Variants in LRIF1 observed in about 807,000 individuals in gnomAD.
The protein encoded by LRIF1 is ligand-dependent nuclear receptor-interacting factor 1.
A neutral mutation model predicts 52.7 loss-of-function variants in LRIF1; 32 were observed. That is an observed-to-expected ratio of 0.61 (90% CI 0.46 to 0.82). The LOEUF (loss-of-function observed/expected upper bound fraction) is 0.82, where lower values mean the gene tolerates loss of function less well. LRIF1 is among the 40% of genes least tolerant of loss of function. The pLI, the probability that LRIF1 is intolerant of heterozygous loss-of-function variation, is 0.00. For synonymous variants in LRIF1, 323 were observed against 317.4 expected, an observed-to-expected ratio of 1.02 and a Z score of -0.19; for missense variants, 887 against 892.0, an observed-to-expected ratio of 0.99 and a Z score of 0.07.
chr1:110,935,572 A>G, the LRIF1 span, among the ~76,000 whole-genome samples: 2 of 152,220 alleles, frequency 1.3e-5, no homozygotes, highest in Non-Finnish European at 2.9e-5. Flanking sequence ...AGAATGCATC[A>G]GAATATTTTA....
the LRIF1 span, among the ~76,000 whole-genome samples, chr1:110,901,031 G>A: frequency 1.3e-5 from 2 of 152,100 alleles, no homozygotes; most frequent in African/African-American, 4.8e-5. Context: ...GAAGTTTTAT[G>A]TATCATCTCC....
At chr1:110,927,868 T>C in the LRIF1 span, among the ~76,000 whole-genome samples, 1 of 152,320 alleles carries the variant, frequency 6.6e-6, no homozygotes, top group Non-Finnish European at 1.5e-5. Flanking sequence ...GCTGTTATAG[T>C]ACATATTTTA....
Position 110,947,689 on chromosome 1 carries a change from T to G in LRIF1, c.*270A>C, listed in dbSNP as rs1557836067. ...AAAAACCCTGCCCAAATATTCAAAC[T>G]TGGAGAATTCTAGTTAAAATAATAG... On this transcript the variant is annotated 3_prime_UTR_variant, in exon 4 of 4. Coordinates refer to ENST00000369763, the MANE Select transcript of LRIF1 (RefSeq NM_018372.4). 1 of 261,688 alleles carries G rather than the reference T, an allele frequency of 3.8e-6. No individual in the cohort carries two copies. Among genetic ancestry groups the G allele is most frequent in the Non-Finnish European group, 7.0e-6 (1 of 142,518 alleles). The allele number at this position is 261,688 out of a possible 1,614,324, so 16.2% of individuals were successfully genotyped here. A position where few individuals can be genotyped will look rare whatever the true frequency, so the allele number is the denominator to read the frequency against.
chr1:110,888,202 A>T, the LRIF1 span, among the ~76,000 whole-genome samples: 1 of 152,208 alleles, frequency 6.6e-6, no homozygotes, highest in East Asian at 1.9e-4. Context: ...GAACTGTAAA[A>T]TAATAAATTT....
chr1:110,895,771 CA>C, the LRIF1 span, among the ~76,000 whole-genome samples: 1 of 152,060 alleles, frequency 6.6e-6, no homozygotes. Context: ...AAGAGAAAAA[CA>C]GAAAAATGAA....
chr1:110,881,716 T>C, the LRIF1 span, among the ~76,000 whole-genome samples: 1 of 152,228 alleles, frequency 6.6e-6, no homozygotes. Context: ...CCATTTTACA[T>C]TCCCACCAAC....
chr1:110,883,363 T>A, the LRIF1 span, among the ~76,000 whole-genome samples: 1 of 152,118 alleles, frequency 6.6e-6, no homozygotes, highest in Non-Finnish European at 1.5e-5. Flanking sequence ...AAGTAGTTTT[T>A]TCAATGTTAA....
At chr1:110,927,543 A>G in the LRIF1 span, among the ~76,000 whole-genome samples, 5 of 152,134 alleles carry the variant, frequency 3.3e-5, no homozygotes, top group African/African-American at 7.2e-5. Flanking sequence ...TACAGAGCTA[A>G]ACACAATTAC....
chr1:110,937,490 T>C, the LRIF1 span: 21 of 152,074 alleles, frequency 1.4e-4, no homozygotes, highest in African/African-American at 4.8e-4. Context: ...AGTGGGTTGA[T>C]GAAGAAATTA....
the LRIF1 span, among the ~76,000 whole-genome samples, chr1:110,889,374 G>C: frequency 3.3e-4 from 50 of 151,668 alleles, no homozygotes; most frequent in Non-Finnish European, 6.2e-4. Context: ...GGCCAACATG[G>C]TGAAACCCCG....
the LRIF1 span, among the ~76,000 whole-genome samples, chr1:110,935,702 A>C: frequency 6.6e-6 from 1 of 152,218 alleles, no homozygotes; most frequent in Admixed American, 6.5e-5. Context: ...CAGGATCTAG[A>C]AAATAGCCTC....
rs776583269 is a variant in LRIF1 at position 110,963,612 on chromosome 1, G to C, written c.68+9C>G. 3.5e-5 allele frequency: 56 copies of C among 1,604,554 alleles called. No individual in the cohort carries two copies. The highest frequency in any genetic ancestry group is 4.6e-5 in the Non-Finnish European group (54 of 1,172,634). On this transcript the variant is annotated intron_variant, in intron 1 of 3. Coordinates refer to ENST00000369763, the MANE Select transcript of LRIF1 (RefSeq NM_018372.4). ...GCAGCCGTGGGGAGGATTCGAAACCGGTACTTACCAACGCGAGGCGTTGCC... is the reference window on the plus strand; with the variant it reads ...GCAGCCGTGGGGAGGATTCGAAACCCGTACTTACCAACGCGAGGCGTTGCC...
the LRIF1 span, among the ~76,000 whole-genome samples, chr1:110,876,389 C>T: frequency 6.6e-6 from 1 of 152,108 alleles, no homozygotes; most frequent in East Asian, 1.9e-4. Context: ...TTAACATAAG[C>T]AAACATAAAA....
chr1:110,951,217 CTT>C (rs1570941009), intron 2 of LRIF1, 69 bp downstream of exon 2: 1 of 1,244,734 alleles, frequency 8.0e-7, no homozygotes, highest in Non-Finnish European at 1.1e-6. Flanking sequence ...TCATAGATAA[CTT>C]TGAGAATTAA....
At position 110,949,979 on chromosome 1, in the gene LRIF1, T is replaced by C; in HGVS notation, c.1741A>G (p.Arg581Gly). 20 of 1,614,154 alleles carry C rather than the reference T, an allele frequency of 1.2e-5. No individual in the cohort carries two copies. The highest frequency in any genetic ancestry group is 1.7e-5 in the Non-Finnish European group (20 of 1,180,022). The change falls in exon 3 of 4, where the codon AGA (arginine) becomes GGA (glycine). Residue 581 changes from arginine (R) to glycine (G), a missense_variant. Physicochemically the swap from Arg to Gly is moderately radical, Grantham distance 125. Coordinates refer to ENST00000369763, the MANE Select transcript of LRIF1 (RefSeq NM_018372.4). ...KKIFGLTKDLRVCLTRIPDHL... is the reference protein window; with the variant it reads ...KKIFGLTKDLGVCLTRIPDHL... ...TCAGGAATTCGAGTAAGGCACACTC[T>C]CAAATCCTTAGTAAGGCCAAATATC...
At chr1:110,948,423 A>C in intron 3 of LRIF1, 24 bp from the exon 4 acceptor site, 1 of 1,587,554 alleles carries the variant, frequency 6.3e-7, no homozygotes. Context: ...TAACATTCCA[A>C]AACAAAAACG....
chr1:110,909,873 G>A, the LRIF1 span, among the ~76,000 whole-genome samples: 6 of 152,008 alleles, frequency 3.9e-5, no homozygotes, highest in East Asian at 5.8e-4. Flanking sequence ...GAGCCACTGC[G>A]CCCAGCTGGG....
Position 110,963,753 on chromosome 1 carries a change from T to A in LRIF1, c.-65A>T. 1 of 1,318,184 alleles carries A rather than the reference T, an allele frequency of 7.6e-7. No homozygotes were observed. 81.7% of individuals were successfully genotyped at this position (1,318,184 alleles called of 1,614,324 possible). ...GGAAGCGTGGGGCCGAGTTTCCCAA[T>A]GGGGCGAGAACCAGAGCGAGGGAAT... On this transcript the variant is annotated 5_prime_UTR_variant, in exon 1 of 4. Coordinates refer to ENST00000369763, the MANE Select transcript of LRIF1 (RefSeq NM_018372.4).
At chr1:110,962,663 T>A (rs925344354) in intron 1 of LRIF1, among the ~76,000 whole-genome samples, 3 of 152,234 alleles carry the variant, frequency 2.0e-5, no homozygotes, top group African/African-American at 7.2e-5. Context: ...TGCTATTATT[T>A]ACAGACTGGA....
Sources: allele counts gnomAD v4.1 joint callset (sites outside exome capture counted in the v4.1 genomes callset), GRCh38; gene constraint gnomAD v4.1.1; transcripts MANE v1.5; gene names NCBI Gene and HGNC (gene_info 2026-07-23, HGNC 2026-07-21).